The following PPIH variants were observed in gnomAD, a reference collection of about 807,000 sequenced individuals.
The protein encoded by PPIH is peptidyl-prolyl cis-trans isomerase H.
Under a neutral mutation model 27.6 loss-of-function variants are expected in PPIH, and 16 were observed. That is an observed-to-expected ratio of 0.58 (90% CI 0.39 to 0.88). PPIH has a LOEUF of 0.88. PPIH is among the 40% of genes least tolerant of loss of function. PPIH has a pLI of 0.00. For missense variants in PPIH, 155 were observed against 224.1 expected, an observed-to-expected ratio of 0.69 and a Z score of 1.97; for synonymous variants, 63 against 76.1, an observed-to-expected ratio of 0.83 and a Z score of 0.90.
At chr1:42,677,013 C>T (rs1395172443), downstream of PPIH, among the ~76,000 whole-genome samples, 2 of 152,144 alleles carry the variant, frequency 1.3e-5, no homozygotes, top group Non-Finnish European at 2.9e-5. Context: ...TCTACTTATT[C>T]CAAGGATGTT....
intron 5 of PPIH, 21 bp downstream of exon 5, chr1:42,660,925 A>G: frequency 6.3e-7 from 1 of 1,597,642 alleles, no homozygotes; most frequent in Non-Finnish European, 8.6e-7. Context: ...TTCCTTTCCT[A>G]TCAAAGACCC....
downstream of PPIH, among the ~76,000 whole-genome samples, chr1:42,678,536 A>C (rs1337580878): frequency 6.6e-6 from 1 of 152,138 alleles, no homozygotes; most frequent in African/African-American, 2.4e-5. Flanking sequence ...AGTAGCTGGG[A>C]CTACAGGCAC....
intron 7 of PPIH, 67 bp downstream of exon 7, chr1:42,666,134 G>C (rs978005287): frequency 1.4e-6 from 2 of 1,453,482 alleles, no homozygotes; most frequent in Admixed American, 1.7e-5. Context: ...AGAGGAGTTA[G>C]TTCTCAAACT....
chr1:42,658,825 ACT>A lies in PPIH; in HGVS notation c.67-15_67-14del. The A allele has an allele frequency of 6.2e-7, 1 of 1,613,916 alleles. No individual in the cohort carries two copies. Among genetic ancestry groups the A allele is most frequent in the Non-Finnish European group, 8.5e-7 (1 of 1,179,914 alleles). On this transcript the variant is annotated splice_polypyrimidine_tract_variant and intron_variant, in intron 1 of 9. Transcript: ENST00000304979. ...ATGGTCTTGGACTGGGCCTTCTGAC[ACT>A]CTCCCGCTGATTGCAGGAAGTTGGC...
chr1:42,662,949 G>T (rs1478128683), intron 5 of PPIH, among the ~76,000 whole-genome samples: 1 of 151,926 alleles, frequency 6.6e-6, no homozygotes, highest in African/African-American at 2.4e-5. Context: ...CTTTCTAATA[G>T]CCACCTAATA....
chr1:42,674,297 AT>A (rs1649782795), intron 9 of PPIH, among the ~76,000 whole-genome samples: 2 of 152,266 alleles, frequency 1.3e-5, no homozygotes, highest in Non-Finnish European at 2.9e-5. Flanking sequence ...TGGGCAGGGC[AT>A]TCCAGGCAGA....
In PPIH at chr1:42,669,414, T is replaced by C. The variant is rs150828297; in HGVS notation, c.*21+1974T>C. On this transcript the variant is annotated intron_variant, in intron 9 of 9. Coordinates refer to ENST00000304979, the MANE Select transcript of PPIH (RefSeq NM_006347.4). ...TATTGTATAAGATTACCTTATACAA[T>C]AGCTATAAGTAGCTAGGACTACAGG... is the stretch of plus-strand genomic sequence containing the variant. 2.9e-3 allele frequency among the ~76,000 whole-genome samples: 448 copies of C among 152,198 alleles called. 1 individual carries two copies. The highest frequency in any genetic ancestry group is 0.01 in the African/African-American group (427 of 41,528).
chr1:42,678,566 A>AT (rs576827525), downstream of PPIH, among the ~76,000 whole-genome samples: 1 of 151,974 alleles, frequency 6.6e-6, no homozygotes, highest in African/African-American at 2.4e-5. Context: ...TGCCCGTCTA[A>AT]TTTTTTGTAT....
At chr1:42,659,372 T>C in intron 3 of PPIH, 121 bp downstream of exon 3, 1 of 1,614,178 alleles carries the variant, frequency 6.2e-7, no homozygotes. Context: ...TGATAGAAGG[T>C]AATGCCCCAA....
downstream of PPIH, among the ~76,000 whole-genome samples, chr1:42,680,583 G>C (rs140999371): frequency 6.6e-6 from 1 of 152,170 alleles, no homozygotes; most frequent in Non-Finnish European, 1.5e-5. Context: ...TGATCAGATA[G>C]ATGTTCTCAA....
chr1:42,680,898 C>A (rs964635946), downstream of PPIH, among the ~76,000 whole-genome samples: 1 of 152,190 alleles, frequency 6.6e-6, no homozygotes. Context: ...AAGGTTCCTA[C>A]CCCTTGCTCT....
At chr1:42,672,038 C>T (rs911479259) in intron 9 of PPIH, among the ~76,000 whole-genome samples, 5 of 151,978 alleles carry the variant, frequency 3.3e-5, no homozygotes, top group African/African-American at 7.2e-5. Flanking sequence ...TGCCCACCAC[C>T]GCACCCAGCT....
chr1:42,658,966 G>A, intron 2 of PPIH, 58 bp downstream of exon 2: 1 of 1,573,118 alleles, frequency 6.4e-7, no homozygotes, highest in Non-Finnish European at 8.7e-7. Flanking sequence ...GCTCCAGTCA[G>A]CCGCCTGAAA....
chr1:42,677,362 A>G (rs934152162), downstream of PPIH, among the ~76,000 whole-genome samples: 1 of 152,056 alleles, frequency 6.6e-6, no homozygotes, highest in African/African-American at 2.4e-5. Context: ...CCAGCCACCC[A>G]TCTGGTGGCT....
chr1:42,665,979 G>C lies in PPIH; in HGVS notation c.337-1G>C, dbSNP rs865878931. On this transcript the variant is annotated splice_acceptor_variant, in intron 6 of 9. Coordinates refer to ENST00000304979, the MANE Select transcript of PPIH (RefSeq NM_006347.4). LOFTEE classifies it high-confidence loss of function. ...CTGCAGGTATATTTGGTTTCCATCA[G>C]GCGAACAGTGGTCCAAGTACAAATG... The C allele has an allele frequency of 6.2e-7, 1 of 1,613,998 alleles. No individual in the cohort carries two copies. Among genetic ancestry groups the C allele is most frequent in the South Asian group, 1.1e-5 (1 of 91,076 alleles).
chr1:42,662,080 C>T (rs1241995831), intron 5 of PPIH, among the ~76,000 whole-genome samples: 2 of 152,218 alleles, frequency 1.3e-5, no homozygotes, highest in African/African-American at 4.8e-5. Context: ...GGTTTGTTAG[C>T]TGGTAAGAAG....
chr1:42,663,146 A>G (rs1387261942), intron 5 of PPIH, among the ~76,000 whole-genome samples: 2 of 152,362 alleles, frequency 1.3e-5, no homozygotes, highest in Non-Finnish European at 2.9e-5. Context: ...GAAATTGGAG[A>G]TGAACTTGTT....
At chr1:42,679,472 C>T (rs1365491806), downstream of PPIH, among the ~76,000 whole-genome samples, 4 of 152,196 alleles carry the variant, frequency 2.6e-5, no homozygotes, top group African/African-American at 4.8e-5. Flanking sequence ...CATGAGCCAC[C>T]GTGCCTGGCT....
At chr1:42,675,472 G>A (rs932501499) in intron 9 of PPIH, 1 of 152,228 alleles carries the variant, frequency 6.6e-6, no homozygotes, top group Non-Finnish European at 1.5e-5. Context: ...TCTCTGGACT[G>A]AGAACTTGTT....
Sources: allele counts gnomAD v4.1 joint callset (sites outside exome capture counted in the v4.1 genomes callset), GRCh38; gene constraint gnomAD v4.1.1; transcripts MANE v1.5; gene names NCBI Gene and HGNC (gene_info 2026-07-23, HGNC 2026-07-21).